The following MAPK8 variants were observed in gnomAD, a reference collection of about 807,000 sequenced individuals.
The protein encoded by MAPK8 is JUN N-terminal kinase.
MAPK8 carries 13 observed loss-of-function variants against 52.9 expected under a neutral mutation model. The observed-to-expected ratio is 0.25, with a 90% CI of 0.16 to 0.39. MAPK8 has a LOEUF of 0.39. Among genes scored for constraint, MAPK8 ranks in the 10% least tolerant of loss-of-function variants. The pLI is 1.00. For synonymous variants in MAPK8, 191 were observed against 169.8 expected (o/e 1.12, Z -0.97); for missense variants, 300 against 519.2 (o/e 0.58, Z 4.10).
At chr10:48,385,104 A>G (rs2041232025) in intron 1 of MAPK8, among the ~76,000 whole-genome samples, 2 of 152,226 alleles carry the variant, frequency 1.3e-5, no homozygotes, top group Non-Finnish European at 2.9e-5. Context: ...ACTATAGTGT[A>G]TATGGCATTT....
At position 48,399,295 on chromosome 10, in the gene MAPK8, C is replaced by T. The variant is rs139351185; in HGVS notation, c.-49-2317C>T. 1.9e-3 allele frequency among the ~76,000 whole-genome samples: 290 copies of T among 152,288 alleles called. 2 individuals carry two copies. Among genetic ancestry groups the T allele is most frequent in the African/African-American group, 6.6e-3 (276 of 41,556 alleles). On this transcript the variant is annotated intron_variant, in intron 1 of 11. Transcript: ENST00000374189. ...CTTGTTAACAGTACGTAGCATGGTGCTTAAATCAGGTTTGAATATTGCATG... is the reference window on the plus strand; with the variant it reads ...CTTGTTAACAGTACGTAGCATGGTGTTTAAATCAGGTTTGAATATTGCATG...
chr10:48,375,569 C>G (rs972232299), intron 1 of MAPK8, among the ~76,000 whole-genome samples: 2 of 152,122 alleles, frequency 1.3e-5, no homozygotes, highest in Non-Finnish European at 2.9e-5. Context: ...GTGCAAAAAT[C>G]ACAAACATTC....
At position 48,324,503 on chromosome 10, in the gene MAPK8, G is replaced by T. The variant is rs111541076; in HGVS notation, c.-50+17682G>T. Among the ~76,000 whole-genome samples, 394 of 117,972 alleles carry T rather than the reference G, an allele frequency of 3.3e-3. 11 individuals carry two copies. The highest frequency in any genetic ancestry group is 0.013 in the African/African-American group (363 of 28,080). The allele number at this position is 117,972 out of a possible 152,430, so 77.4% of individuals were successfully genotyped here. ...TATACAACAGTTGTCCTGTTTTCTA[G>T]TTTTTTTTTTTTTTTTTACACTCAT... On this transcript the variant is annotated intron_variant, in intron 1 of 11. Transcript: ENST00000374189.
intron 1 of MAPK8, among the ~76,000 whole-genome samples, chr10:48,340,083 A>G (rs568006650): frequency 1.3e-5 from 2 of 152,240 alleles, no homozygotes; most frequent in Non-Finnish European, 2.9e-5. Context: ...TGGTTTTATC[A>G]TAAAGACAGC....
At chr10:48,414,371 AT>A (rs1279451620) in intron 5 of MAPK8, among the ~76,000 whole-genome samples, 1 of 151,534 alleles carries the variant, frequency 6.6e-6, no homozygotes, top group Non-Finnish European at 1.5e-5. Flanking sequence ...ATGAACATTT[AT>A]GTAAAATTTT....
chr10:48,367,197 C>T (rs1346884986), intron 1 of MAPK8, among the ~76,000 whole-genome samples: 1 of 151,848 alleles, frequency 6.6e-6, no homozygotes, highest in Non-Finnish European at 1.5e-5. Context: ...GAATGAGACC[C>T]CATCTATACA....
intron 1 of MAPK8, among the ~76,000 whole-genome samples, chr10:48,329,305 A>G (rs988991793): frequency 2.0e-5 from 3 of 152,184 alleles, no homozygotes; most frequent in Non-Finnish European, 4.4e-5. Flanking sequence ...TATTAATTAT[A>G]GTATAATGGG....
At chr10:48,329,739 A>G (rs904793587) in intron 1 of MAPK8, among the ~76,000 whole-genome samples, 1 of 152,184 alleles carries the variant, frequency 6.6e-6, no homozygotes, top group South Asian at 2.1e-4. Flanking sequence ...TTAGATCACA[A>G]TTCTAAATTC....
chr10:48,327,977 T>C (rs1843699007), intron 1 of MAPK8, among the ~76,000 whole-genome samples: 1 of 152,162 alleles, frequency 6.6e-6, no homozygotes, highest in Admixed American at 6.5e-5. Flanking sequence ...ATGACCCCTC[T>C]TCCATTTGTT....
At chr10:48,355,661 T>G (rs1182047537) in intron 1 of MAPK8, among the ~76,000 whole-genome samples, 2 of 152,194 alleles carry the variant, frequency 1.3e-5, no homozygotes, top group African/African-American at 4.8e-5. Flanking sequence ...TAAAAATAAA[T>G]ATTTATCTGA....
intron 1 of MAPK8, among the ~76,000 whole-genome samples, chr10:48,343,219 C>T (rs573054574): frequency 6.6e-6 from 1 of 152,320 alleles, no homozygotes; most frequent in South Asian, 2.1e-4. Flanking sequence ...TCACCAGGGC[C>T]ATGCTCTCTC....
chr10:48,311,755 C>A (rs907990125), intron 1 of MAPK8, among the ~76,000 whole-genome samples: 2 of 152,106 alleles, frequency 1.3e-5, no homozygotes, highest in Non-Finnish European at 2.9e-5. Context: ...GAAATATTAT[C>A]TTTTCTGTAT....
chr10:48,325,300 C>T (rs1362198953), intron 1 of MAPK8, among the ~76,000 whole-genome samples: 1 of 152,188 alleles, frequency 6.6e-6, no homozygotes, highest in Non-Finnish European at 1.5e-5. Context: ...ACCTTTCCCT[C>T]TTGTCAACTG....
At chr10:48,324,513 T>TTTTTTTTTTTTTTTTTTTTTTTTG in intron 1 of MAPK8, among the ~76,000 whole-genome samples, 1 of 149,810 alleles carries the variant, frequency 6.7e-6, no homozygotes, top group Non-Finnish European at 1.5e-5. Flanking sequence ...GTTTTTTTTT[T>TTTTTTTTTTTTTTTTTTTTTTTTG]TTTTTTTACA....
chr10:48,400,686 T>A (rs752666157), intron 1 of MAPK8, among the ~76,000 whole-genome samples: 17 of 152,236 alleles, frequency 1.1e-4, no homozygotes, highest in Non-Finnish European at 2.2e-4. Flanking sequence ...GTTAGCATTA[T>A]CTTAAAACCA....
chr10:48,346,271 A>G (rs9702312), intron 1 of MAPK8, among the ~76,000 whole-genome samples: 1 of 152,240 alleles, frequency 6.6e-6, no homozygotes, highest in African/African-American at 2.4e-5. Flanking sequence ...GTTTGTAGCA[A>G]TTACTTTTTA....
intron 1 of MAPK8, among the ~76,000 whole-genome samples, chr10:48,315,136 A>G (rs769594415): frequency 6.6e-6 from 1 of 152,070 alleles, no homozygotes; most frequent in Non-Finnish European, 1.5e-5. Context: ...CCTTTTCAGA[A>G]GTTTTTTTCT....
At chr10:48,410,322 C>T in intron 5 of MAPK8, 154 bp downstream of exon 5, 1 of 515,958 alleles carries the variant, frequency 1.9e-6, no homozygotes, top group Non-Finnish European at 3.1e-6. Flanking sequence ...TCATTACCCC[C>T]AAAAAAGTCT....
intron 11 of MAPK8, among the ~76,000 whole-genome samples, chr10:48,433,538 T>A (rs990522418): frequency 1.3e-5 from 2 of 152,190 alleles, no homozygotes; most frequent in African/African-American, 2.4e-5. Flanking sequence ...GATTATCACC[T>A]CTTTTACCTC....
Sources: gnomAD v4.1 joint callset for allele counts (sites outside exome capture counted in the v4.1 genomes callset) on GRCh38, gnomAD v4.1.1 for gene constraint, MANE v1.5 for transcripts, NCBI Gene and HGNC (gene_info 2026-07-23, HGNC 2026-07-21) for gene names.